PPIL3: variants seen among roughly 807,000 people sequenced by gnomAD.
PPIL3 encodes the protein peptidyl-prolyl cis-trans isomerase-like 3.
PPIL3 carries 13 observed loss-of-function variants against 20.9 expected under a neutral mutation model. The observed-to-expected ratio is 0.62, with a 90% confidence interval of 0.40 to 0.99. The LOEUF (loss-of-function observed/expected upper bound fraction) is 0.99. Among genes scored for constraint, PPIL3 ranks in the 50% least tolerant of loss-of-function variants. The pLI, the probability that PPIL3 is intolerant of heterozygous loss-of-function variation, is 0.00. For missense variants in PPIL3, 170 were observed against 195.2 expected (o/e 0.87, Z 0.77); for synonymous variants, 71 against 64.4 (o/e 1.10, Z -0.49).
upstream of PPIL3, chr2:200,889,186 AG>A (rs2040102395): frequency 2.6e-6 from 1 of 386,248 alleles, no homozygotes; most frequent in Admixed American, 3.1e-5. Context: ...GAAATTTGAC[AG>A]TGAAAGGGAG....
At chr2:200,881,657 A>G in intron 4 of PPIL3, 169 bp from the exon 5 acceptor site, 1 of 558,146 alleles carries the variant, frequency 1.8e-6, no homozygotes. Flanking sequence ...GAAGATTAAA[A>G]CAGACCTACA....
At chr2:200,889,262 T>C, upstream of PPIL3, 1 of 328,906 alleles carries the variant, frequency 3.0e-6, no homozygotes, top group Non-Finnish European at 6.1e-6. Flanking sequence ...CCTCAAGCAA[T>C]GCTTTACACT....
At chr2:200,872,749 C>T (rs2039356401) in intron 6 of PPIL3, among the ~76,000 whole-genome samples, 1 of 152,116 alleles carries the variant, frequency 6.6e-6, no homozygotes, top group Non-Finnish European at 1.5e-5. Context: ...TGTCTTATTA[C>T]AACACACTAG....
intron 3 of PPIL3, chr2:200,884,810 T>G (rs1231094432): frequency 6.6e-6 from 1 of 151,946 alleles, no homozygotes; most frequent in Admixed American, 6.6e-5. Context: ...ATGCCTATAA[T>G]CCCAACACTT....
At position 200,889,064 on chromosome 2, in the gene PPIL3, C is replaced by T; in HGVS notation, c.-179G>A. ...CAAAATTATAGTTTCTTTGGGCCAG[C>T]GGAAGTTGGGCGCGGGACCCAAGAG... On this transcript the variant is annotated 5_prime_UTR_variant, in exon 1 of 7. Transcript: ENST00000392283. 2.1e-6 allele frequency: 1 copy of T among 470,984 alleles called. No homozygotes were observed. The highest frequency in any genetic ancestry group is 1.5e-5 in the South Asian group (1 of 64,574). The allele number at this position is 470,984 out of a possible 1,614,324, so 29.2% of individuals were successfully genotyped here.
intron 3 of PPIL3, among the ~76,000 whole-genome samples, chr2:200,883,190 A>G (rs1440977482): frequency 1.3e-5 from 2 of 148,728 alleles, no homozygotes; most frequent in African/African-American, 4.9e-5. Context: ...CTGAGCTCAA[A>G]TGATTCTCCT....
chr2:200,882,423 G>C lies in PPIL3; in HGVS notation c.91C>G (p.Leu31Val), dbSNP rs2039766983. ...TPKTCENFLA[L>V]CASNYYNGCI... Reference sequence around the variant, plus strand: ...CCATTGTAGTAATTACTGGCACAAAGAGCCAAGAAATTCTGAAGGGAGTAA... The same window carrying C: ...CCATTGTAGTAATTACTGGCACAAACAGCCAAGAAATTCTGAAGGGAGTAA... The change falls in exon 4 of 7, where the codon CTT becomes GTT. Residue 31 changes from leucine (L) to valine (V), a missense_variant. Coordinates refer to ENST00000392283, the MANE Select transcript of PPIL3 (RefSeq NM_130906.3). 1.9e-6 allele frequency: 3 copies of C among 1,597,706 alleles called. No homozygotes were observed. The South Asian group carries it at 3.3e-5, about 18-fold the overall frequency.
chr2:200,885,578 T>C, intron 3 of PPIL3, 120 bp downstream of exon 3: 1 of 683,414 alleles, frequency 1.5e-6, no homozygotes, highest in Non-Finnish European at 2.5e-6. Context: ...GATGGCTAGT[T>C]TTCCCTAACA....
At chr2:200,874,137 T>G (rs1269983944) in intron 6 of PPIL3, among the ~76,000 whole-genome samples, 4 of 143,298 alleles carry the variant, frequency 2.8e-5, no homozygotes, top group South Asian at 4.3e-4. Flanking sequence ...CCCAGGAGGG[T>G]GAGCTTGCAG....
At chr2:200,875,349 T>G (rs1208797097) in intron 6 of PPIL3, among the ~76,000 whole-genome samples, 1 of 151,616 alleles carries the variant, frequency 6.6e-6, no homozygotes, top group Non-Finnish European at 1.5e-5. Context: ...CTCACTGCAA[T>G]CTCCACCTCC....
At chr2:200,878,370 CCTTT>C (rs1408264350) in intron 5 of PPIL3, among the ~76,000 whole-genome samples, 2 of 151,434 alleles carry the variant, frequency 1.3e-5, no homozygotes, top group South Asian at 2.1e-4. Context: ...TATTCTAATA[CCTTT>C]TTTTTTTCAT....
chr2:200,888,047 A>G (rs1575122521), intron 1 of PPIL3, among the ~76,000 whole-genome samples: 1 of 116,576 alleles, frequency 8.6e-6, no homozygotes, highest in Admixed American at 8.7e-5. Context: ...ACAGCGCGAG[A>G]CTCCGTCAAA....
chr2:200,877,113 A>C lies in PPIL3; in HGVS notation c.241-76T>G, dbSNP rs1245405787. On this transcript the variant is annotated intron_variant, in intron 5 of 6. Coordinates refer to ENST00000392283, the MANE Select transcript of PPIL3 (RefSeq NM_130906.3). Reference sequence around the variant, plus strand: ...AATATAGTATTGAAACAAGACAGGCACACCTTTGTTTTCTTTTTTAAAAAT... The same window carrying C: ...AATATAGTATTGAAACAAGACAGGCCCACCTTTGTTTTCTTTTTTAAAAAT... The C allele has an allele frequency of 3.1e-6, 3 of 980,916 alleles. No individual in the cohort carries two copies. In the Admixed American group the frequency reaches 5.6e-5, roughly 18 times the overall value. 60.8% of individuals were successfully genotyped at this position (980,916 alleles called of 1,614,324 possible).
At chr2:200,880,669 G>A (rs148374111) in intron 5 of PPIL3, among the ~76,000 whole-genome samples, 280 of 152,022 alleles carry the variant, frequency 1.8e-3, no homozygotes, top group African/African-American at 5.3e-3. Context: ...TACTGTACCC[G>A]GCCCTGGTTG....
At chr2:200,885,516 T>C (rs1005760921) in intron 3 of PPIL3, 182 bp downstream of exon 3, 6 of 551,666 alleles carry the variant, frequency 1.1e-5, no homozygotes, top group Non-Finnish European at 1.9e-5. Context: ...TACGTTCTCT[T>C]TGATCCACCT....
rs760527328 is a variant in PPIL3, at chr2:200,878,391, A to AT, written c.241-1355dup. Reference sequence around the variant, plus strand: ...AATACCTTTTTTTTTTCATTTTTTCATTTTTTTTTTTTTTTAGAGACAGGG... The same window carrying AT: ...AATACCTTTTTTTTTTCATTTTTTCATTTTTTTTTTTTTTTTAGAGACAGGG... On this transcript the variant is annotated intron_variant, in intron 5 of 6. Coordinates refer to ENST00000392283, the MANE Select transcript of PPIL3 (RefSeq NM_130906.3). 6.4e-3 allele frequency among the ~76,000 whole-genome samples: 822 copies of AT among 128,730 alleles called. 4 individuals are homozygous for AT. The highest frequency in any genetic ancestry group is 0.015 in the African/African-American group (518 of 34,740). 84.5% of individuals were successfully genotyped at this position (128,730 alleles called of 152,430 possible).
chr2:200,882,171 T>A (rs965766932), intron 4 of PPIL3, among the ~76,000 whole-genome samples, 171 bp downstream of exon 4: 2 of 152,340 alleles, frequency 1.3e-5, no homozygotes, highest in African/African-American at 4.8e-5. Context: ...CAAACCACCA[T>A]GGCACACATA....
chr2:200,882,887 CT>C (rs1455880252), intron 3 of PPIL3, among the ~76,000 whole-genome samples: 8 of 148,188 alleles, frequency 5.4e-5, no homozygotes, highest in Non-Finnish European at 1.0e-4. Flanking sequence ...GCGACAGAGA[CT>C]CCGTCTCAAA....
rs777018329 is a variant in PPIL3, at chr2:200,871,366, G to C, written c.*29C>G. 9.5e-6 allele frequency: 15 copies of C among 1,586,310 alleles called. No homozygotes were observed. The Admixed American group carries it at 2.7e-4, about 29-fold the overall frequency. On this transcript the variant is annotated 3_prime_UTR_variant, in exon 7 of 7. Transcript: ENST00000392283. Reference sequence around the variant, plus strand: ...CACAATAAGTGTGTTCCAGCAATTTGTCAAGTTATTTGTCCAGGTCTATCA... The same window carrying C: ...CACAATAAGTGTGTTCCAGCAATTTCTCAAGTTATTTGTCCAGGTCTATCA...
Sources: gnomAD v4.1 joint callset for allele counts (sites outside exome capture counted in the v4.1 genomes callset) on GRCh38, gnomAD v4.1.1 for gene constraint, MANE v1.5 for transcripts, NCBI Gene and HGNC (gene_info 2026-07-23, HGNC 2026-07-21) for gene names.